Variants in SEPTIN3 observed in about 807,000 individuals in gnomAD.
SEPTIN3 encodes septin 3, also known as neuronal-specific septin-3.
In SEPTIN3, 15 loss-of-function variants were observed where a neutral mutation model predicts 45.1. The ratio of observed to expected loss-of-function variants is 0.33; its 90% CI spans 0.22 to 0.51. The LOEUF (loss-of-function observed/expected upper bound fraction) is 0.51. Among genes scored for constraint, SEPTIN3 ranks in the 20% least tolerant of loss-of-function variants. The pLI, the probability that SEPTIN3 is intolerant of heterozygous loss-of-function variation, is 0.97. For synonymous variants in SEPTIN3, 148 were observed against 164.8 expected (o/e 0.90, Z 0.78); for missense variants, 289 against 457.2 (o/e 0.63, Z 3.35).
Position 41,981,809 on chromosome 22 carries a change from G to A in SEPTIN3, c.1669G>A (p.Gly557Ser), listed in dbSNP as rs1288451801. Residue 557 changes from glycine to serine, a missense_variant, in exon 3 of 12, where the codon GGT becomes AGT. By Grantham distance (56) the Gly-to-Ser change is moderately conservative. Around this residue, in one of 3 missense-constraint regions of SEPTIN3, gnomAD observed 200 missense variants for 315.1 expected, o/e 0.63. Coordinates refer to ENST00000644076, the MANE Select transcript of SEPTIN3 (RefSeq NM_001363845.2). ...EQMRKKTMKT[G>S]FDFNIMVVGQ... ...GATGCGCAAGAAGACCATGAAGACCGGTTTCGACTTCAACATCATGGTCGT... is the reference window on the plus strand; with the variant it reads ...GATGCGCAAGAAGACCATGAAGACCAGTTTCGACTTCAACATCATGGTCGT... 6 of 1,613,738 alleles carry A rather than the reference G, an allele frequency of 3.7e-6. No homozygotes were observed. The highest frequency in any genetic ancestry group is 2.2e-5 in the East Asian group (1 of 44,884).
intron 8 of SEPTIN3, among the ~76,000 whole-genome samples, chr22:41,992,268 A>G (rs112060800): frequency 0.046 from 6,996 of 152,076 alleles, 537 homozygotes; most frequent in African/African-American, 0.16. Context: ...AATCCCAGCT[A>G]CTCGGGAGGC....
At chr22:41,980,129 CTTTTTTT>C (rs569424612) in intron 2 of SEPTIN3, among the ~76,000 whole-genome samples, 10 of 103,422 alleles carry the variant, frequency 9.7e-5, no homozygotes, top group African/African-American at 3.6e-4. Flanking sequence ...TGCTCAGTGC[CTTTTTTT>C]TTTTTTTTTT....
chr22:41,979,388 C>A (rs2078085434), intron 2 of SEPTIN3, among the ~76,000 whole-genome samples: 1 of 152,094 alleles, frequency 6.6e-6, no homozygotes, highest in Non-Finnish European at 1.5e-5. Context: ...GATAAGACCA[C>A]CCCCCCAAAC....
chr22:41,970,727 A>C (rs1463702668), intron 1 of SEPTIN3, among the ~76,000 whole-genome samples: 3 of 151,872 alleles, frequency 2.0e-5, no homozygotes, highest in Non-Finnish European at 4.4e-5. Flanking sequence ...CCGCCTTTCT[A>C]CCCCTAATGC....
At chr22:41,983,581 T>C (rs1602415229) in intron 3 of SEPTIN3, among the ~76,000 whole-genome samples, 1 of 152,334 alleles carries the variant, frequency 6.6e-6, no homozygotes, top group East Asian at 1.9e-4. Context: ...CATCTAGCAT[T>C]GTACTCCTCA....
In SEPTIN3 at chr22:41,994,061, T is replaced by A. The variant is rs1016001817; in HGVS notation, c.2360-229T>A. 1.3e-5 allele frequency among the ~76,000 whole-genome samples: 2 copies of A among 152,224 alleles called. No individual in the cohort carries two copies. Among genetic ancestry groups the A allele is most frequent in the African/African-American group, 4.8e-5 (2 of 41,466 alleles). ...AAATTATAGTCCCTCTTGGCTATTA[T>A]GCCACAGCGTCTAGAAGGATGTCGT... On this transcript the variant is annotated intron_variant, in intron 9 of 11. Coordinates refer to ENST00000644076, the MANE Select transcript of SEPTIN3 (RefSeq NM_001363845.2). The surrounding 1 kb of genome is among the most constrained non-coding windows in gnomAD (Gnocchi z 4.2).
intron 3 of SEPTIN3, among the ~76,000 whole-genome samples, chr22:41,985,465 A>G (rs544191720): frequency 5.9e-5 from 9 of 152,370 alleles, no homozygotes; most frequent in African/African-American, 2.2e-4. Context: ...TGCTCTGCAC[A>G]TATTTTGTTA....
chr22:41,987,497 C>T (rs1201816330), intron 5 of SEPTIN3, 125 bp from the exon 6 acceptor site: 1 of 1,260,132 alleles, frequency 7.9e-7, no homozygotes, highest in Non-Finnish European at 1.1e-6. Flanking sequence ...AATCTGGCAG[C>T]AGGTATCCTA....
intron 8 of SEPTIN3, 92 bp downstream of exon 8, chr22:41,991,760 C>T (rs1046504356): frequency 1.2e-5 from 11 of 912,174 alleles, no homozygotes; most frequent in Non-Finnish European, 2.0e-5. Flanking sequence ...TTTTCCCTTT[C>T]TGTACTCCCC....
chr22:41,982,866 G>A (rs1486172515), intron 3 of SEPTIN3, among the ~76,000 whole-genome samples: 1 of 151,574 alleles, frequency 6.6e-6, no homozygotes, highest in Non-Finnish European at 1.5e-5. Flanking sequence ...ACCCCAGCCT[G>A]GGCAACAAGA....
intron 2 of SEPTIN3, 58 bp from the exon 3 acceptor site, chr22:41,981,587 T>G: frequency 7.1e-7 from 1 of 1,414,200 alleles, no homozygotes; most frequent in Non-Finnish European, 9.7e-7. Context: ...ATGGTTTCCA[T>G]GTGACCTCTG....
intron 2 of SEPTIN3, among the ~76,000 whole-genome samples, chr22:41,978,457 T>C (rs1404882392): frequency 6.6e-6 from 1 of 152,182 alleles, no homozygotes; most frequent in Non-Finnish European, 1.5e-5. Context: ...TATCCCCAGT[T>C]GTCTGAGCAG....
intron 1 of SEPTIN3, among the ~76,000 whole-genome samples, chr22:41,970,216 A>G (rs2077945252): frequency 6.6e-6 from 1 of 152,024 alleles, no homozygotes; most frequent in African/African-American, 2.4e-5. Flanking sequence ...AAAAGCAACC[A>G]AACCAACTTT....
At position 41,972,873 on chromosome 22, in the gene SEPTIN3, T is replaced by G. The variant is rs1426770580; in HGVS notation, c.1381T>G (p.Ser461Ala). 1.0e-5 allele frequency: 4 copies of G among 399,222 alleles called. No homozygotes were observed. In the East Asian group the frequency reaches 1.4e-4, roughly 14 times the overall value. The allele number at this position is 399,222 out of a possible 1,614,324, so 24.7% of individuals were successfully genotyped here. ...TLGSVNNLTI[S>A]DVATCLLMPS... is the part of the protein sequence containing the mutation. Reference sequence around the variant, plus strand: ...GGGCAGTGTTAATAACCTAACCATATCAGACGTTGCTACATGCCTGCTAAT... The same window carrying G: ...GGGCAGTGTTAATAACCTAACCATAGCAGACGTTGCTACATGCCTGCTAAT... The change falls in exon 2 of 12, where the codon TCA becomes GCA. Residue 461 changes from serine to alanine, a missense_variant. Transcript: ENST00000644076.
rs1296332945 is a variant in SEPTIN3, at chr22:41,996,967, A to C, written c.2571A>C (p.Ter857CysextTer24). ...VPATPCPTAE[*>C] The stretch of plus-strand genomic sequence containing the variant: ...CCACCCCCTGCCCCACTGCTGAATG[A>C]AGGCCATTTCAAGCGCTGCTTCTCA... The change falls in exon 12 of 12, where the codon TGA (stop) becomes TGC (cysteine). Residue 857 changes from the stop codon to cysteine, a stop_lost. Transcript: ENST00000644076. 3 of 1,613,964 alleles carry C rather than the reference A, an allele frequency of 1.9e-6. No individual in the cohort carries two copies. Among genetic ancestry groups the C allele is most frequent in the Admixed American group, 3.3e-5 (2 of 60,014 alleles).
Position 41,991,672 on chromosome 22 carries a change from G to A in SEPTIN3, c.2259+4G>A. On this transcript the variant is annotated splice_donor_region_variant and intron_variant, in intron 8 of 11. Coordinates refer to ENST00000644076, the MANE Select transcript of SEPTIN3 (RefSeq NM_001363845.2). ...GACGGAGAATGACAAAATCAGGGTGGGTGCCTGGGGCACTGCTCCTCCACT... is the reference window on the plus strand; with the variant it reads ...GACGGAGAATGACAAAATCAGGGTGAGTGCCTGGGGCACTGCTCCTCCACT... The A allele has an allele frequency of 1.3e-6, 2 of 1,598,810 alleles. No individual in the cohort carries two copies. Among genetic ancestry groups the A allele is most frequent in the Non-Finnish European group, 8.6e-7 (1 of 1,166,116 alleles).
chr22:41,977,927 G>A (rs1322734543), intron 2 of SEPTIN3, among the ~76,000 whole-genome samples: 1 of 152,160 alleles, frequency 6.6e-6, no homozygotes, highest in African/African-American at 2.4e-5. Flanking sequence ...CACTGATGGG[G>A]CAGGTAGCTT....
chr22:41,983,858 C>T (rs1300020454), intron 3 of SEPTIN3, among the ~76,000 whole-genome samples: 1 of 152,176 alleles, frequency 6.6e-6, no homozygotes, highest in Non-Finnish European at 1.5e-5. Flanking sequence ...TTTGGTCACT[C>T]TCACACTAAG....
intron 7 of SEPTIN3, 54 bp downstream of exon 7, chr22:41,989,738 C>T (rs1048386264): frequency 2.1e-5 from 26 of 1,224,088 alleles, no homozygotes; most frequent in Middle Eastern, 1.9e-4. Flanking sequence ...TTTCTCTCCG[C>T]TGGGTTCAGG....
Sources: allele counts gnomAD v4.1 joint callset (sites outside exome capture counted in the v4.1 genomes callset), GRCh38; gene constraint gnomAD v4.1.1; regional missense constraint gnomAD v4.1.1; non-coding constraint Gnocchi (gnomAD v3.1); transcripts MANE v1.5; gene names NCBI Gene and HGNC (gene_info 2026-07-23, HGNC 2026-07-21).